Variants in ACYP2 observed in about 807,000 individuals in gnomAD.
The protein encoded by ACYP2 is acylphosphatase 2.
In ACYP2, 12 loss-of-function variants were observed where a neutral mutation model predicts 11.2. The observed-to-expected ratio is 1.08, with a 90% CI of 0.69 to 1.74. The LOEUF is 1.74. ACYP2 is among the 40% of genes most tolerant of loss of function. ACYP2 has a pLI of 0.00. For synonymous variants in ACYP2, 43 were observed against 32.2 expected (o/e 1.33, Z -1.13); for missense variants, 134 against 101.9 (o/e 1.31, Z -1.35).
rs114747405 is a variant in ACYP2 at position 54,147,375 on chromosome 2, C to T, written c.404+8627C>T. 2.2e-3 allele frequency among the ~76,000 whole-genome samples: 333 copies of T among 152,174 alleles called. 3 individuals are homozygous for T. The highest frequency in any genetic ancestry group is 7.2e-3 in the African/African-American group (300 of 41,490). On this transcript the variant is annotated intron_variant, in intron 6 of 6. Transcript: ENST00000607452. ...TGAATCTCCAAATGTCAGATCTATG[C>T]GTTCTGTCTTCTGCAGTGGTGTCTC...
chr2:54,272,201 C>T (rs937520343), intron 6 of ACYP2, among the ~76,000 whole-genome samples: 4 of 152,120 alleles, frequency 2.6e-5, no homozygotes, highest in Non-Finnish European at 4.4e-5. Context: ...CAGATGCAGG[C>T]TGCCCATGTT....
At chr2:54,034,996 C>A (rs1483478300) in intron 2 of ACYP2, among the ~76,000 whole-genome samples, 2 of 63,826 alleles carry the variant, frequency 3.1e-5, no homozygotes, top group Middle Eastern at 0.011. Flanking sequence ...GGCGACAGTG[C>A]GAGACTACAT....
intron 2 of ACYP2, among the ~76,000 whole-genome samples, chr2:54,023,997 A>G (rs1248897829): frequency 6.6e-6 from 1 of 152,190 alleles, no homozygotes; most frequent in African/African-American, 2.4e-5. Context: ...CAAAAAAAGA[A>G]AATACAGAGC....
intron 6 of ACYP2, among the ~76,000 whole-genome samples, chr2:54,289,510 C>T (rs1169604692): frequency 6.6e-6 from 1 of 151,928 alleles, no homozygotes; most frequent in Admixed American, 6.6e-5. Context: ...ATATTTCTTC[C>T]TCACCTTCTA....
chr2:54,235,547 TCAC>T (rs2103974214), intron 6 of ACYP2, among the ~76,000 whole-genome samples: 1 of 152,278 alleles, frequency 6.6e-6, no homozygotes, highest in Admixed American at 6.5e-5. Context: ...AGGCAGGGTT[TCAC>T]CATGTTAGCC....
intron 4 of ACYP2, among the ~76,000 whole-genome samples, chr2:54,113,158 A>G (rs1451091573): frequency 1.3e-5 from 2 of 152,124 alleles, no homozygotes; most frequent in Admixed American, 1.3e-4. Flanking sequence ...AAAATACCTA[A>G]TGCGATGTAA....
At chr2:54,267,232 A>C in intron 6 of ACYP2, 1 of 1,520,260 alleles carries the variant, frequency 6.6e-7, no homozygotes, top group Non-Finnish European at 8.8e-7. Context: ...TGGCACAAAG[A>C]AGCTCCCAAT....
At chr2:54,120,992 G>T (rs1558543982) in intron 4 of ACYP2, among the ~76,000 whole-genome samples, 2 of 152,186 alleles carry the variant, frequency 1.3e-5, no homozygotes, top group Admixed American at 6.5e-5. Flanking sequence ...GCTGCCTGCA[G>T]CTCAGCAAAT....
At chr2:54,138,491 A>T in intron 5 of ACYP2, 148 bp from the exon 3 acceptor site, 1 of 536,206 alleles carries the variant, frequency 1.9e-6, no homozygotes, top group Non-Finnish European at 3.3e-6. Flanking sequence ...TTATAAGTAG[A>T]GGTTACTGTA....
rs117264985 is a variant in ACYP2 at position 54,055,892 on chromosome 2, A to G, written c.156-1347A>G. On this transcript the variant is annotated intron_variant, in intron 3 of 6. Coordinates refer to ENST00000607452, the MANE Select transcript of ACYP2 (RefSeq NM_001320586.2). ...ATAAACACAGAGTCTAATAATGTGTAGTACTGTCAGATATAGTACCTCCAT... is the reference window on the plus strand; with the variant it reads ...ATAAACACAGAGTCTAATAATGTGTGGTACTGTCAGATATAGTACCTCCAT... Among the ~76,000 whole-genome samples, 84 of 152,368 alleles carry G rather than the reference A, an allele frequency of 5.5e-4. No homozygotes were observed. In the East Asian group the frequency reaches 0.015, roughly 27 times the overall value.
intron 4 of ACYP2, among the ~76,000 whole-genome samples, chr2:54,110,418 C>T (rs1679399118): frequency 6.6e-6 from 1 of 152,182 alleles, no homozygotes; most frequent in South Asian, 2.1e-4. Flanking sequence ...AGTCAGCCTA[C>T]ATTCAAAGTT....
chr2:54,017,041 G>A (rs1673727910), intron 2 of ACYP2, among the ~76,000 whole-genome samples: 1 of 146,334 alleles, frequency 6.8e-6, no homozygotes, highest in Admixed American at 6.6e-5. Context: ...TGTCTTTTGA[G>A]GACCTTCTTG....
chr2:54,064,344 G>GCAGAA (rs1558503474), intron 4 of ACYP2, among the ~76,000 whole-genome samples: 1 of 152,180 alleles, frequency 6.6e-6, no homozygotes, highest in Non-Finnish European at 1.5e-5. Flanking sequence ...GGAGCCAGAA[G>GCAGAA]CAGAACAGTG....
intron 2 of ACYP2, among the ~76,000 whole-genome samples, chr2:54,041,978 G>C (rs190603740): frequency 6.6e-6 from 1 of 150,568 alleles, no homozygotes; most frequent in Non-Finnish European, 1.5e-5. Flanking sequence ...TTCTGTCTCC[G>C]GTCCATTGCT....
intron 6 of ACYP2, among the ~76,000 whole-genome samples, chr2:54,173,897 G>C (rs1178680524): frequency 6.6e-6 from 1 of 152,154 alleles, no homozygotes; most frequent in Non-Finnish European, 1.5e-5. Flanking sequence ...ATATATCTCT[G>C]TTTTGGTACC....
chr2:54,065,081 C>G (rs1676671636), intron 4 of ACYP2, among the ~76,000 whole-genome samples: 1 of 138,370 alleles, frequency 7.2e-6, no homozygotes, highest in Non-Finnish European at 1.5e-5. Flanking sequence ...GAGACTCCAT[C>G]TCTAAATAAA....
intron 6 of ACYP2, among the ~76,000 whole-genome samples, chr2:54,277,256 CAAAT>C (rs1343892238): frequency 6.6e-6 from 1 of 152,204 alleles, no homozygotes; most frequent in African/African-American, 2.4e-5. Context: ...GATTCAGTGA[CAAAT>C]AACTCTCCCT....
At chr2:54,111,373 C>A (rs1679453776) in intron 4 of ACYP2, among the ~76,000 whole-genome samples, 1 of 152,176 alleles carries the variant, frequency 6.6e-6, no homozygotes, top group Admixed American at 6.5e-5. Context: ...GCGGGGGGGA[C>A]CAACCATGCC....
intron 4 of ACYP2, among the ~76,000 whole-genome samples, chr2:54,069,770 T>C (rs1676933203): frequency 6.6e-6 from 1 of 152,210 alleles, no homozygotes; most frequent in Admixed American, 6.5e-5. Context: ...GGTGACCAGC[T>C]GATGAATATG....
Sources: gnomAD v4.1 joint callset for allele counts (sites outside exome capture counted in the v4.1 genomes callset) on GRCh38, gnomAD v4.1.1 for gene constraint, MANE v1.5 for transcripts, NCBI Gene and HGNC (gene_info 2026-07-23, HGNC 2026-07-21) for gene names.